KCTD5: variants seen among roughly 807,000 people sequenced by gnomAD.
The protein encoded by KCTD5 is BTB/POZ domain-containing protein KCTD5.
A neutral mutation model predicts 27.9 loss-of-function variants in KCTD5; 12 were observed. That is an observed-to-expected ratio of 0.43 (90% CI 0.28 to 0.70). KCTD5 has a LOEUF of 0.70. Ranked by LOEUF, KCTD5 falls within the 30% of genes least tolerant of loss-of-function variation. The pLI, the probability that KCTD5 is intolerant of heterozygous loss-of-function variation, is 0.19. For synonymous variants in KCTD5, 147 were observed against 121.4 expected (o/e 1.21, Z -1.39); for missense variants, 226 against 274.8 (o/e 0.82, Z 1.26).
intron 2 of KCTD5, chr16:2,697,302 A>C (rs2067590716): frequency 2.0e-5 from 3 of 152,898 alleles, no homozygotes; most frequent in Admixed American, 2.0e-4. Flanking sequence ...AAGGCTCTTA[A>C]GGGAGGTTTG....
chr16:2,688,143 G>A (rs2067548783), intron 1 of KCTD5, among the ~76,000 whole-genome samples: 1 of 151,308 alleles, frequency 6.6e-6, no homozygotes, highest in Admixed American at 6.6e-5. Flanking sequence ...CTGGTGCCAG[G>A]TCAGTGCAGT....
At chr16:2,692,859 G>GC (rs2067572645) in intron 1 of KCTD5, among the ~76,000 whole-genome samples, 1 of 152,276 alleles carries the variant, frequency 6.6e-6, no homozygotes, top group African/African-American at 2.4e-5. Context: ...GCACTTCTGA[G>GC]CCTGCAAGGG....
rs1336054753 is a variant in KCTD5 at position 2,682,679 on chromosome 16, A to T, written c.131A>T (p.Lys44Met). ...GCCCAGCGCCCTGGCAGCGTGTCCA[A>T]GTGGGTCCGACTCAACGTCGGCGGC... ...ALAQRPGSVS[K>M]WVRLNVGGTY... The change falls in exon 1 of 6, where the codon AAG becomes ATG. Residue 44 changes from lysine (K) to methionine (M), a missense_variant. By Grantham distance (95) the Lys-to-Met change is moderately conservative. Coordinates refer to ENST00000301738, the MANE Select transcript of KCTD5 (RefSeq NM_018992.4). The T allele has an allele frequency of 6.2e-7, 1 of 1,608,268 alleles. No individual in the cohort carries two copies. The highest frequency in any genetic ancestry group is 1.3e-5 in the African/African-American group (1 of 74,236).
Position 2,691,450 on chromosome 16 carries a change from G to A in KCTD5, c.253-4485G>A, listed in dbSNP as rs148239795. Among the ~76,000 whole-genome samples the A allele has an allele frequency of 1.2e-4, 18 of 152,350 alleles. No homozygotes were observed. In the East Asian group the frequency reaches 2.7e-3, roughly 23 times the overall value. On this transcript the variant is annotated intron_variant, in intron 1 of 5. Transcript: ENST00000301738. The stretch of plus-strand genomic sequence containing the variant: ...GCTCGCCCTTCAGCCTCTGGTGCCC[G>A]GCGGCTCAGCTGGGTTCTAGGGCCA...
At position 2,693,228 on chromosome 16, in the gene KCTD5, G is replaced by C. The variant is rs527783356; in HGVS notation, c.253-2707G>C. ...CTGCTCTCCTGCCATGCTGAGGGCA[G>C]TGGGCTATGGTGTGGGGAGTGGGGT... On this transcript the variant is annotated intron_variant, in intron 1 of 5. Transcript: ENST00000301738. Among the ~76,000 whole-genome samples the C allele has an allele frequency of 9.8e-5, 15 of 152,354 alleles. 1 individual carries two copies. In the South Asian group the frequency reaches 3.1e-3, roughly 32 times the overall value.
At position 2,707,551 on chromosome 16, in the gene KCTD5, G is replaced by A. The variant is rs899533613; in HGVS notation, c.*224G>A. On this transcript the variant is annotated 3_prime_UTR_variant, in exon 6 of 6. Transcript: ENST00000301738. ...GGGGGAGCACGGCGGCCGGGTGGGC[G>A]CTGCCTCTTGGGGGGGCCTCGCTCT... 16 of 650,716 alleles carry A rather than the reference G, an allele frequency of 2.5e-5. No individual in the cohort carries two copies. Among genetic ancestry groups the A allele is most frequent in the Admixed American group, 7.0e-5 (3 of 42,598 alleles). The allele number at this position is 650,716 out of a possible 1,614,324, so 40.3% of individuals were successfully genotyped here. A position where few individuals can be genotyped will look rare whatever the true frequency, so the allele number is the denominator to read the frequency against.
intron 1 of KCTD5, chr16:2,683,700 T>C (rs2142050140): frequency 6.8e-6 from 1 of 146,054 alleles, no homozygotes; most frequent in South Asian, 2.2e-4. Flanking sequence ...TTGTTACCTA[T>C]ATTTATTCAA....
intron 1 of KCTD5, chr16:2,685,995 G>C (rs2067538589): frequency 6.6e-6 from 1 of 150,920 alleles, no homozygotes; most frequent in East Asian, 2.0e-4. Context: ...CCCTGCTAAA[G>C]CATCCTATCT....
intron 1 of KCTD5, chr16:2,685,963 T>G (rs1196178105): frequency 6.6e-6 from 1 of 151,696 alleles, no homozygotes; most frequent in Non-Finnish European, 1.5e-5. Context: ...AAGCTTTGGG[T>G]GCCTGAGAGG....
In KCTD5 at chr16:2,699,144, C is replaced by T. The variant is rs144938570; in HGVS notation, c.454-677C>T. The T allele has an allele frequency of 8.3e-5, 38 of 456,106 alleles. No individual in the cohort carries two copies. In the East Asian group the frequency reaches 1.0e-3, roughly 13 times the overall value. 28.3% of individuals were successfully genotyped at this position (456,106 alleles called of 1,614,324 possible). A position where few individuals can be genotyped will look rare whatever the true frequency, so the allele number is the denominator to read the frequency against. On this transcript the variant is annotated intron_variant, in intron 3 of 5. Coordinates refer to ENST00000301738, the MANE Select transcript of KCTD5 (RefSeq NM_018992.4). ...ACCTCTGAACCCCTTCTCACTGCTG[C>T]GTTTCCGTCCAGCCCCGTCTGCAGC...
In KCTD5 at chr16:2,702,498, TG is replaced by T. The variant is rs768572338; in HGVS notation, c.675+22del. The stretch of plus-strand genomic sequence containing the variant: ...GCCAAGGTGAGTGCTGGGCCGGCCC[TG>T]GCCTGGGGCAGTCTTGGGTGGGGAA... On this transcript the variant is annotated intron_variant, in intron 5 of 5. Transcript: ENST00000301738. The T allele has an allele frequency of 8.7e-6, 14 of 1,611,304 alleles. No individual in the cohort carries two copies. In the East Asian group the frequency reaches 2.9e-4, roughly 33 times the overall value.
At chr16:2,699,778 G>C in intron 3 of KCTD5, 43 bp from the exon 4 acceptor site, 1 of 1,586,502 alleles carries the variant, frequency 6.3e-7, no homozygotes, top group South Asian at 1.1e-5. Context: ...GCAGCAGTGG[G>C]ACATGGGTGG....
intron 4 of KCTD5, among the ~76,000 whole-genome samples, chr16:2,700,638 T>TGA (rs5815130): frequency 0.29 from 43,476 of 152,094 alleles, 6,720 homozygotes; most frequent in Non-Finnish European, 0.33. Flanking sequence ...CTCCCTGTCC[T>TGA]GAGTTTCCTC....
At chr16:2,690,266 G>A (rs12149789) in intron 1 of KCTD5, among the ~76,000 whole-genome samples, 64,714 of 152,164 alleles carry the variant, frequency 0.43, 15,292 homozygotes, top group Middle Eastern at 0.54. Context: ...TGTGTGCCCT[G>A]GCTCGGCGCT....
At chr16:2,703,597 G>C in intron 5 of KCTD5, among the ~76,000 whole-genome samples, 1 of 152,182 alleles carries the variant, frequency 6.6e-6, no homozygotes, top group South Asian at 2.1e-4. Flanking sequence ...TATGCCCTTG[G>C]GAACAGAGGG....
chr16:2,689,865 A>G (rs1357177454), intron 1 of KCTD5, among the ~76,000 whole-genome samples: 1 of 152,194 alleles, frequency 6.6e-6, no homozygotes, highest in Non-Finnish European at 1.5e-5. Flanking sequence ...TAGTAGAGAC[A>G]GGGTTTCACC....
At position 2,686,986 on chromosome 16, in the gene KCTD5, C is replaced by T. The variant is rs551728221; in HGVS notation, c.252+4186C>T. ...TGCGACGCTGATGGACTTTGTTTCACGCTTCAGTTGAGGATGTGGCTCTGA... is the reference window on the plus strand; with the variant it reads ...TGCGACGCTGATGGACTTTGTTTCATGCTTCAGTTGAGGATGTGGCTCTGA... On this transcript the variant is annotated intron_variant, in intron 1 of 5. Coordinates refer to ENST00000301738, the MANE Select transcript of KCTD5 (RefSeq NM_018992.4). Among the ~76,000 whole-genome samples the T allele has an allele frequency of 5.3e-5, 8 of 152,298 alleles. 1 individual carries two copies. Among genetic ancestry groups the T allele is most frequent in the Admixed American group, 1.3e-4 (2 of 15,294 alleles).
intron 3 of KCTD5, chr16:2,699,230 C>G (rs915047127): frequency 2.2e-6 from 1 of 456,030 alleles, no homozygotes; most frequent in Admixed American, 2.3e-5. Context: ...GGGAGCAGCT[C>G]CATGCAGGCG....
intron 5 of KCTD5, among the ~76,000 whole-genome samples, chr16:2,703,503 G>T (rs1011804260): frequency 6.6e-6 from 1 of 152,196 alleles, no homozygotes. Context: ...CTGGGCAACC[G>T]CAGACTCTTG....
Sources: allele counts gnomAD v4.1 joint callset (sites outside exome capture counted in the v4.1 genomes callset), GRCh38; gene constraint gnomAD v4.1.1; transcripts MANE v1.5; gene names NCBI Gene and HGNC (gene_info 2026-07-23, HGNC 2026-07-21).